Variants in FERRY3 observed in about 807,000 individuals in gnomAD.
FERRY3 encodes the protein protein C12orf4.
At chr12:4,497,238 T>C in the FERRY3 span, among the ~76,000 whole-genome samples, 1 of 152,180 alleles carries the variant, frequency 6.6e-6, no homozygotes, top group African/African-American at 2.4e-5. Context: ...ATATTATGGA[T>C]AGATCTCACA....
At chr12:4,524,106 C>T in the FERRY3 span, among the ~76,000 whole-genome samples, 1 of 151,758 alleles carries the variant, frequency 6.6e-6, no homozygotes. Flanking sequence ...AAAGGGATAA[C>T]TTTCACAGCA....
chr12:4,516,243 T>A, the FERRY3 span, among the ~76,000 whole-genome samples: 118 of 152,258 alleles, frequency 7.7e-4, 1 homozygote, highest in African/African-American at 2.4e-3. Flanking sequence ...TTCCACTGAG[T>A]GCCTACTTCA....
the FERRY3 span, chr12:4,489,620 AG>A: frequency 2.4e-6 from 1 of 420,088 alleles, no homozygotes; most frequent in Non-Finnish European, 4.3e-6. Flanking sequence ...TGTTTAAGTT[AG>A]GGGTTGATCA....
chr12:4,516,958 T>C, the FERRY3 span: 1 of 1,033,110 alleles, frequency 9.7e-7, no homozygotes, highest in Non-Finnish European at 1.3e-6. Flanking sequence ...TGTTTTTAAT[T>C]TCCTATCTTC....
At chr12:4,498,943 C>T in the FERRY3 span, among the ~76,000 whole-genome samples, 5 of 152,298 alleles carry the variant, frequency 3.3e-5, no homozygotes, top group East Asian at 9.6e-4. Context: ...CTTCAATGCT[C>T]ACCTCCTGCT....
chr12:4,489,325 C>G, the FERRY3 span: 1 of 152,696 alleles, frequency 6.5e-6, no homozygotes, highest in Non-Finnish European at 1.5e-5. Flanking sequence ...ATTTGTGTTT[C>G]TATAAAAAGA....
the FERRY3 span, among the ~76,000 whole-genome samples, chr12:4,494,768 A>G: frequency 6.6e-6 from 1 of 152,114 alleles, no homozygotes; most frequent in Non-Finnish European, 1.5e-5. Context: ...AAGTTCTTTA[A>G]CTTTGTTCTT....
At chr12:4,511,535 CTA>C in the FERRY3 span, among the ~76,000 whole-genome samples, 1 of 148,820 alleles carries the variant, frequency 6.7e-6, no homozygotes, top group Non-Finnish European at 1.5e-5. Flanking sequence ...TTATAACAAA[CTA>C]TCTCTCAGAC....
At chr12:4,498,169 CTG>C in the FERRY3 span, among the ~76,000 whole-genome samples, 1 of 152,166 alleles carries the variant, frequency 6.6e-6, no homozygotes, top group African/African-American at 2.4e-5. Flanking sequence ...TATCAGATGT[CTG>C]GAAGAAAATC....
chr12:4,530,147 A>G, the FERRY3 span: 298 of 1,102,566 alleles, frequency 2.7e-4, no homozygotes, highest in Middle Eastern at 8.0e-4. Flanking sequence ...TTGCACTTCA[A>G]TGACAGAAAG....
the FERRY3 span, among the ~76,000 whole-genome samples, chr12:4,504,492 G>A: frequency 1.3e-5 from 2 of 151,988 alleles, no homozygotes; most frequent in Non-Finnish European, 2.9e-5. Context: ...AATAATAAAG[G>A]AGAAAAATGG....
chr12:4,529,330 G>A, the FERRY3 span, among the ~76,000 whole-genome samples: 99 of 152,206 alleles, frequency 6.5e-4, no homozygotes, highest in Middle Eastern at 3.4e-3. Context: ...GTACTTGAGC[G>A]TACAAAATGA....
At chr12:4,514,767 T>G in the FERRY3 span, among the ~76,000 whole-genome samples, 1 of 148,072 alleles carries the variant, frequency 6.8e-6, no homozygotes, top group African/African-American at 2.5e-5. Context: ...AGGGATAGCA[T>G]TGGGAGATAT....
the FERRY3 span, chr12:4,530,067 A>T: frequency 6.3e-7 from 1 of 1,589,816 alleles, no homozygotes; most frequent in Non-Finnish European, 8.5e-7. Flanking sequence ...GATAATATAC[A>T]GACAATCTTA....
At chr12:4,489,922 T>C in the FERRY3 span, 2 of 1,394,998 alleles carry the variant, frequency 1.4e-6, no homozygotes, top group Admixed American at 3.7e-5. Flanking sequence ...AAAATAATAA[T>C]TGCACTTGTT....
chr12:4,527,342 A>T, the FERRY3 span, among the ~76,000 whole-genome samples: 2 of 151,006 alleles, frequency 1.3e-5, no homozygotes, highest in Non-Finnish European at 3.0e-5. Context: ...CATATAGTTG[A>T]TGATACAATA....
At chr12:4,490,247 T>C in the FERRY3 span, among the ~76,000 whole-genome samples, 1 of 152,228 alleles carries the variant, frequency 6.6e-6, no homozygotes, top group Admixed American at 6.5e-5. Context: ...GAACCCTTTA[T>C]AATCTATATA....
chr12:4,527,643 T>C, the FERRY3 span, among the ~76,000 whole-genome samples: 1 of 152,154 alleles, frequency 6.6e-6, no homozygotes, highest in Non-Finnish European at 1.5e-5. Context: ...CCACAGACAC[T>C]AGTGAATTTC....
chr12:4,491,962 C>G, the FERRY3 span, among the ~76,000 whole-genome samples: 1 of 152,158 alleles, frequency 6.6e-6, no homozygotes, highest in Non-Finnish European at 1.5e-5. Context: ...CATTTGTAGT[C>G]CCAGCTACTT....
Sources: allele counts gnomAD v4.1 joint callset (sites outside exome capture counted in the v4.1 genomes callset), GRCh38; gene constraint gnomAD v4.1.1; transcripts MANE v1.5; gene names NCBI Gene and HGNC (gene_info 2026-07-23, HGNC 2026-07-21).